PDE4D: variants seen among roughly 807,000 people sequenced by gnomAD.
The protein encoded by PDE4D is 3',5'-cyclic-AMP phosphodiesterase 4D.
A neutral mutation model predicts 87.4 loss-of-function variants in PDE4D; 24 were observed. That is an observed-to-expected ratio of 0.27 (90% CI 0.20 to 0.39). PDE4D has a LOEUF of 0.39. Ranked by LOEUF, PDE4D falls within the 10% of genes least tolerant of loss-of-function variation. The pLI is 1.00. For missense variants in PDE4D, 714 were observed against 1,041.0 expected (o/e 0.69, Z 4.32); for synonymous variants, 384 against 383.2 (o/e 1.00, Z -0.02).
chr5:59,054,599 T>TTA (rs1762066764), intron 5 of PDE4D, among the ~76,000 whole-genome samples: 1 of 151,648 alleles, frequency 6.6e-6, no homozygotes, highest in South Asian at 2.1e-4. Flanking sequence ...ATAAAAAGAA[T>TTA]TATATATATA....
chr5:59,463,283 C>A (rs889345330), intron 1 of PDE4D, among the ~76,000 whole-genome samples: 5 of 152,138 alleles, frequency 3.3e-5, no homozygotes, highest in Admixed American at 2.0e-4. Flanking sequence ...ATTCCTTATA[C>A]TTTGGTTATA....
intron 1 of PDE4D, among the ~76,000 whole-genome samples, chr5:60,250,545 C>G (rs142308345): frequency 6.6e-6 from 1 of 151,830 alleles, no homozygotes; most frequent in African/African-American, 2.4e-5. Context: ...TAGATTATAA[C>G]GAAGCTGAAA....
intron 1 of PDE4D, among the ~76,000 whole-genome samples, chr5:59,633,415 C>A (rs1234400936): frequency 6.6e-6 from 1 of 152,072 alleles, no homozygotes; most frequent in Non-Finnish European, 1.5e-5. Context: ...TTGAGAAGAG[C>A]AACCCCAAGA....
At chr5:60,243,408 A>G (rs1315240324) in intron 1 of PDE4D, among the ~76,000 whole-genome samples, 1 of 151,920 alleles carries the variant, frequency 6.6e-6, no homozygotes, top group African/African-American at 2.4e-5. Flanking sequence ...AAGAACTAAT[A>G]ACAATGTTAC....
At chr5:59,735,854 A>G (rs577397381) in intron 1 of PDE4D, among the ~76,000 whole-genome samples, 2 of 152,242 alleles carry the variant, frequency 1.3e-5, no homozygotes, top group African/African-American at 2.4e-5. Context: ...TTTTTAGTAC[A>G]GACGGGATTT....
At chr5:59,069,905 T>C (rs1386154185) in intron 5 of PDE4D, among the ~76,000 whole-genome samples, 1 of 152,194 alleles carries the variant, frequency 6.6e-6, no homozygotes, top group Non-Finnish European at 1.5e-5. Flanking sequence ...GCCATCTTTT[T>C]TTTACCCATA....
rs1266529970 is a variant in PDE4D at position 59,399,754 on chromosome 5, C to T, written c.456-183786G>A. ...AATGGGATCTAATTAAACTAAAGAG[C>T]TTCTGCACAGCAAAAGAAACTACCA... is the stretch of plus-strand genomic sequence containing the variant. On this transcript the variant is annotated intron_variant, in intron 1 of 14. Transcript: ENST00000340635. Among the ~76,000 whole-genome samples the T allele has an allele frequency of 9.5e-5, 11 of 115,726 alleles. 1 individual carries two copies. The highest frequency in any genetic ancestry group is 3.8e-4 in the African/African-American group (11 of 29,080). 75.9% of individuals were successfully genotyped at this position (115,726 alleles called of 152,430 possible).
At chr5:59,158,685 G>T (rs77235219) in intron 5 of PDE4D, among the ~76,000 whole-genome samples, 4,110 of 152,256 alleles carry the variant, frequency 0.027, 147 homozygotes, top group African/African-American at 0.082. Flanking sequence ...AAAGTTAGAT[G>T]ATTAGGTACT....
chr5:59,725,347 CTTA>C (rs1270263841), intron 1 of PDE4D, among the ~76,000 whole-genome samples: 1 of 152,066 alleles, frequency 6.6e-6, no homozygotes, highest in East Asian at 1.9e-4. Context: ...TTCTATGCAT[CTTA>C]TTAACCTAGG....
chr5:60,439,978 CCTATCCTAT>C (rs1745072129), intron 1 of PDE4D, among the ~76,000 whole-genome samples: 2 of 151,702 alleles, frequency 1.3e-5, no homozygotes, highest in Non-Finnish European at 2.9e-5. Context: ...GTTCCAGTGA[CCTATCCTAT>C]CTCTCTCCAA....
chr5:60,354,372 A>G (rs978465746), intron 1 of PDE4D, among the ~76,000 whole-genome samples: 1 of 152,202 alleles, frequency 6.6e-6, no homozygotes, highest in Admixed American at 6.5e-5. Flanking sequence ...TTTCAGACCA[A>G]TGCTGAGATG....
At chr5:59,738,886 T>A (rs1758456025) in intron 1 of PDE4D, among the ~76,000 whole-genome samples, 1 of 152,000 alleles carries the variant, frequency 6.6e-6, no homozygotes, top group East Asian at 1.9e-4. Flanking sequence ...CACAAATTTT[T>A]ATCTAAATAT....
At chr5:59,185,578 T>G (rs1742713683) in intron 3 of PDE4D, among the ~76,000 whole-genome samples, 4 of 152,272 alleles carry the variant, frequency 2.6e-5, no homozygotes, top group African/African-American at 9.6e-5. Flanking sequence ...ATTGCATTTT[T>G]GCACATTTCA....
intron 1 of PDE4D, among the ~76,000 whole-genome samples, chr5:60,337,388 T>TATATATATATACACACACAC (rs66871903): frequency 1.1e-5 from 1 of 89,478 alleles, no homozygotes; most frequent in Non-Finnish European, 2.2e-5. Context: ...TATATATATA[T>TATATATATATACACACACAC]ACACACACAC....
intron 4 of PDE4D, among the ~76,000 whole-genome samples, chr5:59,184,143 GGAA>G (rs892273533): frequency 1.5e-4 from 23 of 152,290 alleles, no homozygotes; most frequent in African/African-American, 5.3e-4. Context: ...GATGAGGAGA[GGAA>G]GAAGAAGATG....
At chr5:60,456,813 C>T (rs27223) in intron 1 of PDE4D, among the ~76,000 whole-genome samples, 107,176 of 152,038 alleles carry the variant, frequency 0.7, 38,847 homozygotes, top group African/African-American at 0.89. Context: ...CATCCTGACA[C>T]GCCCGAGTTA....
intron 1 of PDE4D, among the ~76,000 whole-genome samples, chr5:59,622,932 G>A (rs372554941): frequency 3.3e-5 from 5 of 152,024 alleles, no homozygotes; most frequent in South Asian, 4.2e-4. Flanking sequence ...ATTCTTTATC[G>A]TTGTGATCAC....
chr5:59,199,874 A>G (rs1335113122), intron 2 of PDE4D, among the ~76,000 whole-genome samples: 1 of 151,928 alleles, frequency 6.6e-6, no homozygotes, highest in Non-Finnish European at 1.5e-5. Flanking sequence ...ATATATACAT[A>G]CATCTATATA....
At position 60,507,771 on chromosome 5, in the gene PDE4D, G is replaced by C. The variant is rs1314281412; in HGVS notation, n.70+14280C>G. ...CTCAGAATAAGCACAGAAGTTCTTA[G>C]ACTTTTTGGAATCATGAACTCCTTT... On this transcript the variant is annotated intron_variant and non_coding_transcript_variant, in intron 1 of 2. Transcript: ENST00000506510. 2.0e-5 allele frequency among the ~76,000 whole-genome samples: 3 copies of C among 152,156 alleles called. No individual in the cohort carries two copies. In the East Asian group the frequency reaches 5.8e-4, roughly 29 times the overall value.
Sources: allele counts gnomAD v4.1 joint callset (sites outside exome capture counted in the v4.1 genomes callset), GRCh38; gene constraint gnomAD v4.1.1; transcripts MANE v1.5; gene names NCBI Gene and HGNC (gene_info 2026-07-23, HGNC 2026-07-21).